Variants in PMEPA1 observed in about 807,000 individuals in gnomAD.
The protein encoded by PMEPA1 is prostate transmembrane protein, androgen induced 1.
A neutral mutation model predicts 23.0 loss-of-function variants in PMEPA1; 11 were observed. The ratio of observed to expected loss-of-function variants is 0.48; its 90% CI spans 0.30 to 0.79. PMEPA1 has a LOEUF of 0.79. Ranked by LOEUF, PMEPA1 falls within the 30% of genes least tolerant of loss-of-function variation. The pLI is 0.06. For missense variants in PMEPA1, 377 were observed against 390.9 expected, an observed-to-expected ratio of 0.96 and a Z score of 0.30; for synonymous variants, 204 against 166.4, an observed-to-expected ratio of 1.23 and a Z score of -1.74.
At chr20:57,703,846 A>G (rs1269836567) in intron 1 of PMEPA1, among the ~76,000 whole-genome samples, 1 of 152,110 alleles carries the variant, frequency 6.6e-6, no homozygotes, top group African/African-American at 2.4e-5. Context: ...CACCTCTATG[A>G]ACACACAGCT....
In PMEPA1 at chr20:57,656,067, C is replaced by T. The variant is rs1394572246; in HGVS notation, c.265-2981G>A. Among the ~76,000 whole-genome samples the T allele has an allele frequency of 6.6e-6, 1 of 152,018 alleles. No homozygotes were observed. Among genetic ancestry groups the T allele is most frequent in the Non-Finnish European group, 1.5e-5 (1 of 67,990 alleles). The stretch of plus-strand genomic sequence containing the variant: ...CCAGAACGTAGCTGCCCATTCTTCC[C>T]CTGGAGTCCCCAGGAACATCCAAGG... On this transcript the variant is annotated intron_variant, in intron 2 of 3. Transcript: ENST00000341744. The surrounding 1 kb of genome is among the most constrained non-coding windows in gnomAD (Gnocchi z 4.7).
chr20:57,709,322 AGGGCGCGCCCG>A (rs2146721886), intron 1 of PMEPA1, 141 bp downstream of exon 1: 3 of 332,006 alleles, frequency 9.0e-6, no homozygotes, highest in South Asian at 2.4e-4. Flanking sequence ...GCGAGCCGGG[AGGGCGCGCCCG>A]GGGCGCGGCG....
At chr20:57,660,473 C>T (rs528409763) in intron 1 of PMEPA1, among the ~76,000 whole-genome samples, 18 of 150,700 alleles carry the variant, frequency 1.2e-4, no homozygotes, top group Non-Finnish European at 2.2e-4. Flanking sequence ...CAAAACACCC[C>T]AACACTCCTA....
rs1009374494 is a variant in PMEPA1 at position 57,682,562 on chromosome 20, G to A, written c.110-22865C>T. 3.9e-5 allele frequency among the ~76,000 whole-genome samples: 6 copies of A among 152,064 alleles called. No homozygotes were observed. Among genetic ancestry groups the A allele is most frequent in the Admixed American group, 2.0e-4 (3 of 15,274 alleles). Reference sequence around the variant, plus strand: ...GCTGAATGCTACAGAGCAGGCTCCCGTGCCCACCGCCCCACACCTGGAAGA... The same window carrying A: ...GCTGAATGCTACAGAGCAGGCTCCCATGCCCACCGCCCCACACCTGGAAGA... On this transcript the variant is annotated intron_variant, in intron 1 of 3. Transcript: ENST00000341744. This position sits in a 1 kb window ranked among gnomAD's most constrained non-coding sequence, Gnocchi z 4.4.
intron 1 of PMEPA1, among the ~76,000 whole-genome samples, chr20:57,692,280 G>T (rs2071892405): frequency 6.6e-6 from 1 of 152,214 alleles, no homozygotes; most frequent in Admixed American, 6.5e-5. Flanking sequence ...ACTCTTACGT[G>T]GTGACCACTC....
chr20:57,695,800 A>T (rs1296951321), intron 1 of PMEPA1, among the ~76,000 whole-genome samples: 1 of 151,962 alleles, frequency 6.6e-6, no homozygotes, highest in Non-Finnish European at 1.5e-5. Context: ...AGCGGGCTTA[A>T]CTCTGCCACA....
chr20:57,672,402 G>A (rs1568971956), intron 1 of PMEPA1, among the ~76,000 whole-genome samples: 1 of 152,252 alleles, frequency 6.6e-6, no homozygotes, highest in South Asian at 2.1e-4. Context: ...AAGTGAACCG[G>A]GGCTCCGTTT....
chr20:57,672,985 G>A (rs1251468885), intron 1 of PMEPA1, among the ~76,000 whole-genome samples: 1 of 152,180 alleles, frequency 6.6e-6, no homozygotes, highest in African/African-American at 2.4e-5. Flanking sequence ...GAGCCATAAA[G>A]TACAATGAAC....
rs980591988 is a variant in PMEPA1, at chr20:57,656,296, A to G, written c.265-3210T>C. On this transcript the variant is annotated intron_variant, in intron 2 of 3. Coordinates refer to ENST00000341744, the MANE Select transcript of PMEPA1 (RefSeq NM_020182.5). The surrounding 1 kb of genome is among the most constrained non-coding windows in gnomAD (Gnocchi z 4.7). ...GGTCTTTGGCTCCCGCTGCTGGCAG[A>G]TTGTCGCACATTGGCCTGGCCACAG... Among the ~76,000 whole-genome samples the G allele has an allele frequency of 6.6e-6, 1 of 151,146 alleles. No individual in the cohort carries two copies. The highest frequency in any genetic ancestry group is 1.5e-5 in the Non-Finnish European group (1 of 67,664).
chr20:57,664,459 C>G (rs368557818), intron 1 of PMEPA1, among the ~76,000 whole-genome samples: 1 of 152,224 alleles, frequency 6.6e-6, no homozygotes, highest in African/African-American at 2.4e-5. Flanking sequence ...GGTGCCTCCC[C>G]GCAAAGGCCT....
intron 1 of PMEPA1, among the ~76,000 whole-genome samples, chr20:57,690,864 T>G (rs1232426915): frequency 6.6e-6 from 1 of 152,180 alleles, no homozygotes; most frequent in African/African-American, 2.4e-5. Flanking sequence ...GCATGCAGGT[T>G]CCTGCACTCG....
Position 57,652,219 on chromosome 20 carries a change from C to T in PMEPA1, c.698G>A (p.Ser233Asn), listed in dbSNP as rs1219210474. The change falls in exon 4 of 4, where the codon AGC (serine) becomes AAC (asparagine). Residue 233 changes from serine (S) to asparagine (N), a missense_variant. By Grantham distance (46) the Ser-to-Asn change is conservative. Transcript: ENST00000341744. The surrounding 1 kb of genome is among the most constrained non-coding windows in gnomAD (Gnocchi z 6.1). ...GRMEGPPPTY[S>N]EVIGHYPGSS... ...CCCCGGGTAGTGGCCGATGACCTCG[C>T]TGTAGGTGGGCGGCGGCCCCTCCAT... The T allele has an allele frequency of 1.9e-6, 3 of 1,609,058 alleles. No individual in the cohort carries two copies. The highest frequency in any genetic ancestry group is 1.1e-5 in the South Asian group (1 of 90,904).
At position 57,709,353 on chromosome 20, in the gene PMEPA1, C is replaced by G. The variant is rs545863640; in HGVS notation, c.109+121G>C. Reference sequence around the variant, plus strand: ...CGCCCGGGGCGCGGCGGGCGCTGCCCGGGCGCAGGGCGTTCGGTCCGAGGG... The same window carrying G: ...CGCCCGGGGCGCGGCGGGCGCTGCCGGGGCGCAGGGCGTTCGGTCCGAGGG... On this transcript the variant is annotated intron_variant, in intron 1 of 3. Transcript: ENST00000341744. 1.7e-3 allele frequency: 1,163 copies of G among 664,670 alleles called. 12 individuals are homozygous for G. The South Asian group carries it at 0.03, about 17-fold the overall frequency. 41.2% of individuals were successfully genotyped at this position (664,670 alleles called of 1,614,324 possible).
intron 1 of PMEPA1, among the ~76,000 whole-genome samples, chr20:57,679,122 G>C (rs985890887): frequency 5.3e-5 from 8 of 152,172 alleles, no homozygotes; most frequent in Non-Finnish European, 1.0e-4. Flanking sequence ...CCTAGGAGCG[G>C]GGACCTCCTT....
intron 1 of PMEPA1, among the ~76,000 whole-genome samples, chr20:57,672,842 GCTCTCCCCATGGC>G (rs1480903747): frequency 6.6e-6 from 1 of 152,144 alleles, no homozygotes; most frequent in Non-Finnish European, 1.5e-5. Context: ...CCAACCCCCA[GCTCTCCCCATGGC>G]CAAACACAGG....
chr20:57,657,570 G>A (rs2071344338), intron 2 of PMEPA1, among the ~76,000 whole-genome samples: 1 of 152,232 alleles, frequency 6.6e-6, no homozygotes, highest in Non-Finnish European at 1.5e-5. Context: ...TCTGCAGCAC[G>A]CCCTCCGGAC....
chr20:57,683,724 C>T lies in PMEPA1; in HGVS notation c.110-24027G>A, dbSNP rs2071758934. 6.6e-6 allele frequency among the ~76,000 whole-genome samples: 1 copy of T among 152,058 alleles called. No individual in the cohort carries two copies. The highest frequency in any genetic ancestry group is 6.5e-5 in the Admixed American group (1 of 15,270). On this transcript the variant is annotated intron_variant, in intron 1 of 3. Coordinates refer to ENST00000341744, the MANE Select transcript of PMEPA1 (RefSeq NM_020182.5). The surrounding 1 kb of genome is among the most constrained non-coding windows in gnomAD (Gnocchi z 4.3). ...TACAAGCACAGTCACCCCACTTCCC[C>T]ACTCCGCGGGGAAATTTACAGGCTT... is the stretch of plus-strand genomic sequence containing the variant.
At chr20:57,707,259 C>T (rs1164303028) in intron 1 of PMEPA1, among the ~76,000 whole-genome samples, 1 of 152,106 alleles carries the variant, frequency 6.6e-6, no homozygotes, top group African/African-American at 2.4e-5. Context: ...TCCTTCCTAT[C>T]TTTTGGTGTA....
chr20:57,650,486 C>T lies in PMEPA1; in HGVS notation c.*1567G>A, dbSNP rs542730235. On this transcript the variant is annotated 3_prime_UTR_variant, in exon 4 of 4. Transcript: ENST00000341744. ...CGCTCACATGCCCCTTCCTGTCCTT[C>T]ACCTGCACGTCACCAGCAGGTCCCG... The T allele has an allele frequency of 4.6e-5, 7 of 152,486 alleles. No individual in the cohort carries two copies. The highest frequency in any genetic ancestry group is 4.6e-4 in the Admixed American group (7 of 15,308). The allele number at this position is 152,486 out of a possible 1,614,324, so 9.4% of individuals were successfully genotyped here. A position where few individuals can be genotyped will look rare whatever the true frequency, so the allele number is the denominator to read the frequency against.
Sources: allele counts gnomAD v4.1 joint callset (sites outside exome capture counted in the v4.1 genomes callset), GRCh38; gene constraint gnomAD v4.1.1; non-coding constraint Gnocchi (gnomAD v3.1); transcripts MANE v1.5; gene names NCBI Gene and HGNC (gene_info 2026-07-23, HGNC 2026-07-21).